Variants in CLVS1 observed in about 807,000 individuals in gnomAD.
CLVS1 encodes clavesin 1.
Under a neutral mutation model 33.1 loss-of-function variants are expected in CLVS1, and 10 were observed. The ratio of observed to expected loss-of-function variants is 0.30; its 90% CI spans 0.19 to 0.51. The LOEUF (loss-of-function observed/expected upper bound fraction) is 0.51, where lower values mean the gene tolerates loss of function less well. CLVS1 is among the 20% of genes least tolerant of loss of function. The pLI is 0.97. For missense variants in CLVS1, 343 were observed against 433.4 expected (o/e 0.79, Z 1.85); for synonymous variants, 163 against 166.1 (o/e 0.98, Z 0.14).
chr8:61,074,479 A>AT (rs2129281141), intron 1 of CLVS1, among the ~76,000 whole-genome samples: 2 of 146,658 alleles, frequency 1.4e-5, no homozygotes, highest in South Asian at 4.2e-4. Flanking sequence ...ATATATATAT[A>AT]AGTATATGTG....
At chr8:61,430,961 A>G (rs1038006001) in intron 3 of CLVS1, among the ~76,000 whole-genome samples, 2 of 152,240 alleles carry the variant, frequency 1.3e-5, no homozygotes, top group African/African-American at 4.8e-5. Flanking sequence ...ATTTCAAATG[A>G]CTAAAATGCA....
At chr8:61,468,348 A>G (rs1339867039) in intron 5 of CLVS1, among the ~76,000 whole-genome samples, 13 of 152,230 alleles carry the variant, frequency 8.5e-5, no homozygotes, top group Admixed American at 8.5e-4. Context: ...TCCTTTTCAC[A>G]GTGGTACTAA....
At chr8:61,368,444 A>G (rs1343160762) in intron 2 of CLVS1, among the ~76,000 whole-genome samples, 1 of 152,168 alleles carries the variant, frequency 6.6e-6, no homozygotes, top group Non-Finnish European at 1.5e-5. Context: ...AATATTCTCT[A>G]TACTATTTCA....
At chr8:61,281,460 G>A (rs1298786854) in intron 2 of CLVS1, among the ~76,000 whole-genome samples, 1 of 152,166 alleles carries the variant, frequency 6.6e-6, no homozygotes, top group East Asian at 1.9e-4. Flanking sequence ...CATAAACAGA[G>A]AAGACCATGT....
intron 2 of CLVS1, among the ~76,000 whole-genome samples, chr8:61,177,192 C>T (rs1422203024): frequency 6.6e-6 from 1 of 152,220 alleles, no homozygotes; most frequent in East Asian, 1.9e-4. Flanking sequence ...GTATTCCCCA[C>T]AGCCCAACAC....
chr8:61,060,739 T>G (rs1052407679), intron 1 of CLVS1, among the ~76,000 whole-genome samples: 5 of 152,184 alleles, frequency 3.3e-5, no homozygotes, highest in African/African-American at 1.2e-4. Context: ...ACTAATTTAC[T>G]TCTTTCAAGA....
At chr8:61,090,192 G>T (rs1985815) in intron 1 of CLVS1, among the ~76,000 whole-genome samples, 40,425 of 152,030 alleles carry the variant, frequency 0.27, 5,865 homozygotes, top group African/African-American at 0.39. Flanking sequence ...TGTCCTAGCA[G>T]GTAACTTGAG....
Position 61,057,993 on chromosome 8 carries a change from G to A in CLVS1, c.-243+763G>A, listed in dbSNP as rs544492414. On this transcript the variant is annotated intron_variant, in intron 1 of 2. Coordinates refer to the CLVS1 transcript ENST00000522621. ...CCATTGAGGCTAATGATAAATCTGGGGAGGCGCTTTAAGAAAGTTTCTATG... is the reference window on the plus strand; with the variant it reads ...CCATTGAGGCTAATGATAAATCTGGAGAGGCGCTTTAAGAAAGTTTCTATG... Among the ~76,000 whole-genome samples, 7 of 152,268 alleles carry A rather than the reference G, an allele frequency of 4.6e-5. No homozygotes were observed. The South Asian group carries it at 1.5e-3, about 32-fold the overall frequency.
upstream of CLVS1, among the ~76,000 whole-genome samples, chr8:61,053,200 T>C (rs1362763706): frequency 1.3e-5 from 2 of 152,146 alleles, no homozygotes; most frequent in Admixed American, 6.5e-5. Context: ...CTGCAGTGCA[T>C]GACAGGACAG....
chr8:61,215,426 C>CT (rs1808062558), intron 2 of CLVS1, among the ~76,000 whole-genome samples: 1 of 152,076 alleles, frequency 6.6e-6, no homozygotes, highest in East Asian at 1.9e-4. Flanking sequence ...TCACTGTGTA[C>CT]CTGAGCTTGA....
chr8:61,208,674 T>C (rs1807908749), intron 2 of CLVS1, among the ~76,000 whole-genome samples: 1 of 83,500 alleles, frequency 1.2e-5, no homozygotes, highest in Non-Finnish European at 1.9e-5. Flanking sequence ...CTGTAACCTC[T>C]GCCTCCAGGT....
intron 1 of CLVS1, among the ~76,000 whole-genome samples, chr8:61,095,851 T>C (rs1171312358): frequency 6.6e-6 from 1 of 152,238 alleles, no homozygotes; most frequent in Non-Finnish European, 1.5e-5. Context: ...CAGCCCAGTT[T>C]CCTGATTTCA....
intron 2 of CLVS1, among the ~76,000 whole-genome samples, chr8:61,212,892 C>T (rs1404947847): frequency 6.6e-6 from 1 of 152,152 alleles, no homozygotes; most frequent in Non-Finnish European, 1.5e-5. Flanking sequence ...TAGTGCCCTC[C>T]ATCATCCTCT....
intron 5 of CLVS1, among the ~76,000 whole-genome samples, chr8:61,495,747 G>T (rs1306498582): frequency 1.3e-5 from 2 of 152,154 alleles, no homozygotes; most frequent in Admixed American, 1.3e-4. Context: ...ACTCTAAATT[G>T]CCTCAACAGA....
chr8:61,413,652 C>T (rs1303871772), intron 3 of CLVS1, among the ~76,000 whole-genome samples: 2 of 152,204 alleles, frequency 1.3e-5, no homozygotes, highest in African/African-American at 4.8e-5. Flanking sequence ...CATCTGGCAA[C>T]CTTCATGTAA....
intron 2 of CLVS1, among the ~76,000 whole-genome samples, chr8:61,317,882 C>A (rs1811065921): frequency 6.6e-6 from 1 of 152,066 alleles, no homozygotes; most frequent in African/African-American, 2.4e-5. Flanking sequence ...ACCATGGTTA[C>A]TATTATTGTT....
At chr8:61,135,302 C>T (rs1806173975) in intron 2 of CLVS1, among the ~76,000 whole-genome samples, 1 of 152,066 alleles carries the variant, frequency 6.6e-6, no homozygotes, top group Non-Finnish European at 1.5e-5. Flanking sequence ...GCCCCTGTGA[C>T]TTGTCTGGGG....
chr8:61,146,594 A>C (rs1806422373), intron 2 of CLVS1, among the ~76,000 whole-genome samples: 1 of 152,264 alleles, frequency 6.6e-6, no homozygotes. Context: ...ATGGTGAAAT[A>C]AAATAATATT....
chr8:61,413,261 A>G (rs938676183), intron 3 of CLVS1, among the ~76,000 whole-genome samples: 3 of 152,214 alleles, frequency 2.0e-5, no homozygotes, highest in African/African-American at 7.2e-5. Context: ...AGTAATATTC[A>G]CAAAATACAA....
Sources: gnomAD v4.1 joint callset for allele counts (sites outside exome capture counted in the v4.1 genomes callset) on GRCh38, gnomAD v4.1.1 for gene constraint, MANE v1.5 for transcripts, NCBI Gene and HGNC (gene_info 2026-07-23, HGNC 2026-07-21) for gene names.